MYH7B: variants seen among roughly 807,000 people sequenced by gnomAD.
MYH7B encodes myosin-7B.
Under a neutral mutation model 234.5 loss-of-function variants are expected in MYH7B, and 205 were observed. The ratio of observed to expected loss-of-function variants is 0.87; its 90% confidence interval spans 0.78 to 0.98. The LOEUF is 0.98. Among genes scored for constraint, MYH7B ranks in the 50% least tolerant of loss-of-function variants. The probability of loss-of-function intolerance (pLI) is 0.00; values close to 1 mark genes in which losing one functional copy is unlikely to be tolerated. For missense variants in MYH7B, 2,652 were observed against 2,633.4 expected (o/e 1.01, Z -0.15); for synonymous variants, 1,193 against 1,105.0 (o/e 1.08, Z -1.58).
intron 10 of MYH7B, 98 bp from the exon 11 acceptor site, chr20:34,984,594 T>C (rs2081986845): frequency 1.8e-6 from 2 of 1,092,618 alleles, no homozygotes; most frequent in Admixed American, 2.1e-5. Flanking sequence ...TCCACCCCCC[T>C]GTCCTGCTGC....
exon 26 of MYH7B, chr20:34,993,439 C>A (rs151049878): frequency 1.6e-5 from 26 of 1,609,568 alleles, no homozygotes; most frequent in Non-Finnish European, 2.2e-5. Flanking sequence ...CCGCCTCATG[C>A]GCCTTGAGTA....
At chr20:35,001,773 A>AAGTT (rs1038469493) in intron 43 of MYH7B, among the ~76,000 whole-genome samples, 175 bp from the exon 44 acceptor site, 1 of 152,124 alleles carries the variant, frequency 6.6e-6, no homozygotes, top group Non-Finnish European at 1.5e-5. Flanking sequence ...AAGGCACATG[A>AAGTT]AGTTGGTGCG....
At chr20:34,977,900 C>G (rs989673782) in intron 4 of MYH7B, 34 bp from the exon 5 acceptor site, 13 of 1,611,700 alleles carry the variant, frequency 8.1e-6, no homozygotes, top group African/African-American at 2.7e-5. Context: ...GGATCGTGCC[C>G]TAGTTCAGCT....
intron 10 of MYH7B, 78 bp from the exon 11 acceptor site, chr20:34,984,614 C>T (rs1225719519): frequency 2.9e-6 from 4 of 1,377,826 alleles, no homozygotes; most frequent in Non-Finnish European, 4.1e-6. Flanking sequence ...CCCGCTGCCT[C>T]CCGCTGATAC....
At position 34,997,245 on chromosome 20, in the gene MYH7B, C is replaced by T; in HGVS notation, c.3358-6C>T. The T allele has an allele frequency of 6.4e-7, 1 of 1,557,426 alleles. No homozygotes were observed. The highest frequency in any genetic ancestry group is 1.2e-5 in the South Asian group (1 of 84,548). ...AGGTGACAGCTGCCCCACGTGCCCA[C>T]CCCAGGCTCGGGCGGAGGAGCTGGA... is the stretch of plus-strand genomic sequence containing the variant. On this transcript the variant is annotated splice_region_variant and splice_polypyrimidine_tract_variant and intron_variant, in intron 31 of 44. Coordinates refer to ENST00000262873, the Ensembl canonical transcript of MYH7B.
Position 34,997,347 on chromosome 20 carries a change from G to T in MYH7B, c.3454G>T (p.Glu1152Ter). 1 of 1,539,412 alleles carries T rather than the reference G, an allele frequency of 6.5e-7. No individual in the cohort carries two copies. The highest frequency in any genetic ancestry group is 8.7e-7 in the Non-Finnish European group (1 of 1,145,162). ...TGCAGAGGCGGCGCGGGAGCTGGAGGAGCTGAGCGAGCGGCTGGAGGAGGC... is the reference window on the plus strand; with the variant it reads ...TGCAGAGGCGGCGCGGGAGCTGGAGTAGCTGAGCGAGCGGCTGGAGGAGGC... The change falls in exon 32 of 45, where the codon GAG becomes TAG. Residue 1152 changes from glutamate (E) to a stop codon, truncating the protein, a stop_gained. Transcript: ENST00000262873. LOFTEE classifies it high-confidence loss of function.
chr20:34,979,635 G>A (rs747822829), intron 6 of MYH7B, 26 bp from the exon 7 acceptor site: 3 of 1,613,660 alleles, frequency 1.9e-6, no homozygotes, highest in South Asian at 2.2e-5. Flanking sequence ...CCGGTCCCCC[G>A]GCCCCTGACA....
chr20:34,976,582 C>T (rs1439066574), intron 3 of MYH7B, among the ~76,000 whole-genome samples: 1 of 152,184 alleles, frequency 6.6e-6, no homozygotes, highest in Non-Finnish European at 1.5e-5. Context: ...GAGTGGGCCA[C>T]GGGAAGGTGG....
Position 34,987,207 on chromosome 20 carries a change from T to TG in MYH7B, c.1070dup (p.Ala358ArgfsTer25), listed in dbSNP as rs1481518298. 6.2e-7 allele frequency: 1 copy of TG among 1,612,698 alleles called. No individual in the cohort carries two copies. The highest frequency in any genetic ancestry group is 1.7e-5 in the Admixed American group (1 of 60,016). On this transcript the variant is annotated frameshift_variant, in exon 16 of 45. Transcript: ENST00000262873. LOFTEE classifies it high-confidence loss of function. ...GAGAAATGTGCCTGCTATAAGATCG[T>TG]GGGCGCCCTCCTGCACTTTGGCAAC...
At position 34,997,115 on chromosome 20, in the gene MYH7B, G is replaced by A. The variant is rs1295031381; in HGVS notation, c.3299G>A (p.Arg1100Gln). 1.6e-5 allele frequency: 25 copies of A among 1,549,150 alleles called. No homozygotes were observed. The highest frequency in any genetic ancestry group is 2.4e-5 in the South Asian group (2 of 83,974). ...TCCGAGCTGAGCCAGCTGAGCCTGCGGGTGGAAGACGAGCAGCTCTTGGGG... is the reference window on the plus strand; with the variant it reads ...TCCGAGCTGAGCCAGCTGAGCCTGCAGGTGGAAGACGAGCAGCTCTTGGGG... Residue 1100 changes from arginine (R) to glutamine (Q), a missense_variant, in exon 31 of 45, where the codon CGG becomes CAG. Arg to Gln is a conservative substitution (Grantham distance 43). Around this residue, in one of 3 missense-constraint regions of MYH7B, gnomAD observed 2,279 missense variants for 2,211.4 expected, o/e 1.03. Coordinates refer to ENST00000262873, the Ensembl canonical transcript of MYH7B.
chr20:34,985,188 C>T lies in MYH7B; in HGVS notation c.805+59C>T, dbSNP rs879232772. The T allele has an allele frequency of 5.2e-5, 80 of 1,538,188 alleles. 1 individual carries two copies. In the South Asian group the frequency reaches 8.6e-4, roughly 17 times the overall value. On this transcript the variant is annotated intron_variant, in intron 13 of 44. Transcript: ENST00000262873. ...GGAGGCCTGAGCCCGGTCACCCCAA[C>T]TCGGCCTCTGTCATCACGACTTCTG...
chr20:34,995,308 A>C (rs1569055790), intron 27 of MYH7B, 28 bp from the exon 28 acceptor site: 1 of 1,602,272 alleles, frequency 6.2e-7, no homozygotes. Flanking sequence ...CCCTCCCCCA[A>C]CCTGGCCCCG....
At chr20:34,979,949 CG>C (rs1464657118) in intron 7 of MYH7B, 145 bp downstream of exon 7, 6 of 225,436 alleles carry the variant, frequency 2.7e-5, no homozygotes, top group South Asian at 9.2e-5. Context: ...GGGTCCATAG[CG>C]GGGGTGGGGC....
Position 34,996,196 on chromosome 20 carries a change from TCCCTC to T in MYH7B, c.2944-149_2944-145del, listed in dbSNP as rs1158993423. 2.7e-5 allele frequency: 24 copies of T among 890,136 alleles called. 1 individual carries two copies. The South Asian group carries it at 3.8e-4, about 14-fold the overall frequency. 55.1% of individuals were successfully genotyped at this position (890,136 alleles called of 1,614,324 possible). A position where few individuals can be genotyped will look rare whatever the true frequency, so the allele number is the denominator to read the frequency against. On this transcript the variant is annotated intron_variant, in intron 28 of 44. Transcript: ENST00000262873. ...ATTACAACCCCATGAGGAGGGTCCT[TCCCTC>T]AGGCAGAAGCGGTGGAGGCTCGGAG...
At chr20:35,002,012 A>C in exon 44 of MYH7B, 3 of 1,614,064 alleles carry the variant, frequency 1.9e-6, no homozygotes, top group Non-Finnish European at 2.5e-6. Context: ...GATGATGCGG[A>C]GGAGCGGGCA....
chr20:34,979,542 T>G, intron 6 of MYH7B, 46 bp downstream of exon 6: 1 of 1,596,992 alleles, frequency 6.3e-7, no homozygotes, highest in Non-Finnish European at 8.6e-7. Flanking sequence ...TCCCTAGGCC[T>G]CCTGGCCAAC....
In MYH7B at chr20:35,001,105, G is replaced by T. The variant is rs761790441; in HGVS notation, c.5422G>T (p.Glu1808Ter). The change falls in exon 41 of 45, where the codon GAA (glutamate) becomes TAA (stop). Residue 1808 changes from glutamate to a stop codon, truncating the protein, a stop_gained. Coordinates refer to ENST00000262873, the Ensembl canonical transcript of MYH7B. LOFTEE classifies it high-confidence loss of function. Reference sequence around the variant, plus strand: ...GCTCCAGGCCCGCCTTGAGGAGGCAGAACAGGCCGCCCTCCGTGGCGGGAA... The same window carrying T: ...GCTCCAGGCCCGCCTTGAGGAGGCATAACAGGCCGCCCTCCGTGGCGGGAA... 2 of 1,613,896 alleles carry T rather than the reference G, an allele frequency of 1.2e-6. No individual in the cohort carries two copies. The highest frequency in any genetic ancestry group is 2.2e-5 in the South Asian group (2 of 91,072).
exon 15 of MYH7B, chr20:34,986,914 T>C (rs747299518): frequency 2.5e-6 from 4 of 1,614,134 alleles, no homozygotes; most frequent in East Asian, 4.5e-5. Flanking sequence ...TGAACCCCTA[T>C]GACTACCACT....
intron 32 of MYH7B, 49 bp downstream of exon 32, chr20:34,997,689 C>T (rs2082290317): frequency 6.2e-7 from 1 of 1,600,954 alleles, no homozygotes; most frequent in Non-Finnish European, 8.5e-7. Context: ...TAAACCAATC[C>T]CGATCCCAGC....
Sources: allele counts gnomAD v4.1 joint callset (sites outside exome capture counted in the v4.1 genomes callset), GRCh38; gene constraint gnomAD v4.1.1; regional missense constraint gnomAD v4.1.1; transcripts MANE v1.5; gene names NCBI Gene and HGNC (gene_info 2026-07-23, HGNC 2026-07-21).